Variants in PRKCSH observed in about 807,000 individuals in gnomAD.
PRKCSH encodes the protein glucosidase 2 subunit beta.
PRKCSH carries 42 observed loss-of-function variants against 79.7 expected under a neutral mutation model. That is an observed-to-expected ratio of 0.53 (90% CI 0.41 to 0.68). The LOEUF is 0.68. PRKCSH is among the 30% of genes least tolerant of loss of function. The probability of loss-of-function intolerance (pLI) is 0.00; values close to 1 mark genes in which losing one functional copy is unlikely to be tolerated. For synonymous variants in PRKCSH, 325 were observed against 288.2 expected (o/e 1.13, Z -1.29); for missense variants, 686 against 709.0 (o/e 0.97, Z 0.37).
In PRKCSH at chr19:11,441,044, C is replaced by T; in HGVS notation, c.351-196C>T. On this transcript the variant is annotated intron_variant, in intron 5 of 17. Transcript: ENST00000677123. The stretch of plus-strand genomic sequence containing the variant: ...TCCCTTCCCTGACCCCAGGGGCTTA[C>T]AGAACCCACTGTTCCTCTTTCAAGG... The T allele has an allele frequency of 4.9e-6, 3 of 616,024 alleles. 1 individual carries two copies. The South Asian group carries it at 5.0e-5, about 10-fold the overall frequency. 38.2% of individuals were successfully genotyped at this position (616,024 alleles called of 1,614,324 possible). A position where few individuals can be genotyped will look rare whatever the true frequency, so the allele number is the denominator to read the frequency against.
rs1264215359 is a variant in PRKCSH, at chr19:11,448,317, ACC to A, written c.1196+27_1196+28del. On this transcript the variant is annotated intron_variant, in intron 13 of 17. Transcript: ENST00000677123. The surrounding 1 kb of genome is among the most constrained non-coding windows in gnomAD (Gnocchi z 4.4). ...GTAGCGGGGGCTGAGGAGCGGGGAC[ACC>A]TGTCCCACAGCGACTGCTCCTTGAC... is the stretch of plus-strand genomic sequence containing the variant. 6.4e-7 allele frequency: 1 copy of A among 1,564,366 alleles called. No individual in the cohort carries two copies. The highest frequency in any genetic ancestry group is 2.4e-5 in the East Asian group (1 of 42,410).
intron 7 of PRKCSH, among the ~76,000 whole-genome samples, chr19:11,443,733 C>G (rs137905359): frequency 0.011 from 1,662 of 152,146 alleles, 17 homozygotes; most frequent in Non-Finnish European, 0.018. Context: ...AGAGCTTTTT[C>G]TATCTGGGGT....
rs981577580 is a variant in PRKCSH, at chr19:11,445,270, A to G, written c.599-119A>G. On this transcript the variant is annotated intron_variant, in intron 7 of 17. Transcript: ENST00000677123. ...TTGTCTCCTCCACAGTCGTGTCCTC[A>G]GGGTCCAGCATGGGGCCAGGCATAT... is the stretch of plus-strand genomic sequence containing the variant. 4.5e-6 allele frequency: 4 copies of G among 886,012 alleles called. No homozygotes were observed. The South Asian group carries it at 5.4e-5, about 12-fold the overall frequency. 54.9% of individuals were successfully genotyped at this position (886,012 alleles called of 1,614,324 possible). A position where few individuals can be genotyped will look rare whatever the true frequency, so the allele number is the denominator to read the frequency against.
In PRKCSH at chr19:11,448,289, C is replaced by G; in HGVS notation, c.1194C>G (p.Ile398Met). 1 of 1,572,860 alleles carries G rather than the reference C, an allele frequency of 6.4e-7. No homozygotes were observed. The highest frequency in any genetic ancestry group is 1.2e-5 in the South Asian group (1 of 85,826). ...ERSLKDMEES[I>M]RNLEQEISFD... Reference sequence around the variant, plus strand: ...CGCTGAAGGACATGGAGGAGTCCATCAGGTAGCGGGGGCTGAGGAGCGGGG... The same window carrying G: ...CGCTGAAGGACATGGAGGAGTCCATGAGGTAGCGGGGGCTGAGGAGCGGGG... The change falls in exon 13 of 18, where the codon ATC becomes ATG. Residue 398 changes from isoleucine to methionine, a missense_variant and splice_region_variant. Transcript: ENST00000677123. This position sits in a 1 kb window ranked among gnomAD's most constrained non-coding sequence, Gnocchi z 4.4.
chr19:11,448,049 GGCA>G lies in PRKCSH; in HGVS notation c.1127-169_1127-167del. ...CACTCGCTCAGGAGCTGGGAGCCTG[GGCA>G]GCAAGTCGGGGCTGCTCTATAGCTG... On this transcript the variant is annotated intron_variant, in intron 12 of 17. Coordinates refer to ENST00000677123, the MANE Select transcript of PRKCSH (RefSeq NM_001289104.2). The surrounding 1 kb of genome is among the most constrained non-coding windows in gnomAD (Gnocchi z 4.4). 1 of 793,328 alleles carries G rather than the reference GGCA, an allele frequency of 1.3e-6. No individual in the cohort carries two copies. The highest frequency in any genetic ancestry group is 2.1e-6 in the Non-Finnish European group (1 of 484,510). 49.1% of individuals were successfully genotyped at this position (793,328 alleles called of 1,614,324 possible).
Position 11,447,879 on chromosome 19 carries a change from C to G in PRKCSH, c.1126+90C>G. 2 of 1,382,674 alleles carry G rather than the reference C, an allele frequency of 1.4e-6. No individual in the cohort carries two copies. Among genetic ancestry groups the G allele is most frequent in the East Asian group, 2.5e-5 (1 of 39,822 alleles). The allele number at this position is 1,382,674 out of a possible 1,614,324, so 85.7% of individuals were successfully genotyped here. Reference sequence around the variant, plus strand: ...TCGAGGGAAGATCCTGAGCTTAGACCCTGCTCTGACTCGGCCAGCACAAGC... The same window carrying G: ...TCGAGGGAAGATCCTGAGCTTAGACGCTGCTCTGACTCGGCCAGCACAAGC... On this transcript the variant is annotated intron_variant, in intron 12 of 17. Transcript: ENST00000677123. This position sits in a 1 kb window ranked among gnomAD's most constrained non-coding sequence, Gnocchi z 5.6.
intron 5 of PRKCSH, 86 bp downstream of exon 5, chr19:11,438,210 T>C: frequency 7.0e-7 from 1 of 1,428,068 alleles, no homozygotes; most frequent in Non-Finnish European, 9.8e-7. Context: ...CTCTCTCTTC[T>C]GCTTTTCTGT....
chr19:11,442,898 T>G (rs1457083432), intron 7 of PRKCSH, among the ~76,000 whole-genome samples: 1 of 151,974 alleles, frequency 6.6e-6, no homozygotes, highest in Non-Finnish European at 1.5e-5. Flanking sequence ...GAGACGGGGT[T>G]TCACAATGTT....
chr19:11,439,414 T>TAA (rs149089405), intron 5 of PRKCSH, among the ~76,000 whole-genome samples: 5 of 140,832 alleles, frequency 3.6e-5, no homozygotes, highest in Admixed American at 7.0e-5. Context: ...CTATAAAAAG[T>TAA]AAAAAAAAAA....
Position 11,446,336 on chromosome 19 carries a change from G to C in PRKCSH, c.748G>C (p.Glu250Gln). The C allele has an allele frequency of 6.2e-7, 1 of 1,613,614 alleles. No individual in the cohort carries two copies. Among genetic ancestry groups the C allele is most frequent in the South Asian group, 1.1e-5 (1 of 91,014 alleles). Residue 250 changes from glutamate to glutamine, a missense_variant, in exon 9 of 18, where the codon GAA becomes CAA. Coordinates refer to ENST00000677123, the MANE Select transcript of PRKCSH (RefSeq NM_001289104.2). ...CACAGATGGGGATGGGGCGTTGTCAGAAGCGGAAGCTCAGGTACCCCCGGC... is the reference window on the plus strand; with the variant it reads ...CACAGATGGGGATGGGGCGTTGTCACAAGCGGAAGCTCAGGTACCCCCGGC... ...LDTDGDGALS[E>Q]AEAQALLSGD... is the part of the protein sequence containing the mutation.
chr19:11,448,203 C>T lies in PRKCSH; in HGVS notation c.1127-19C>T, dbSNP rs563345367. On this transcript the variant is annotated intron_variant, in intron 12 of 17. Coordinates refer to ENST00000677123, the MANE Select transcript of PRKCSH (RefSeq NM_001289104.2). This position sits in a 1 kb window ranked among gnomAD's most constrained non-coding sequence, Gnocchi z 4.4. ...TGGATGGGGTTGAGGACATCTCTGA[C>T]CTCCAACCCCTCTCCCAGCTGCCCA... The T allele has an allele frequency of 5.5e-5, 85 of 1,553,218 alleles. No individual in the cohort carries two copies. The South Asian group carries it at 7.4e-4, about 13-fold the overall frequency.
chr19:11,443,519 C>T (rs964185861), intron 7 of PRKCSH, among the ~76,000 whole-genome samples: 1 of 150,050 alleles, frequency 6.7e-6, no homozygotes, highest in African/African-American at 2.5e-5. Context: ...ATATTCCAGC[C>T]TGGCAACAGA....
chr19:11,436,689 C>G, intron 3 of PRKCSH, 184 bp downstream of exon 3: 1 of 604,510 alleles, frequency 1.7e-6, no homozygotes, highest in Non-Finnish European at 3.0e-6. Context: ...GTCCTCCTCC[C>G]AAGCCTCGGG....
chr19:11,439,605 CTTTTTTTTTT>C (rs758607686), intron 5 of PRKCSH, among the ~76,000 whole-genome samples: 25 of 68,850 alleles, frequency 3.6e-4, no homozygotes, highest in Admixed American at 1.2e-3. Flanking sequence ...TTTTTCTTTT[CTTTTTTTTTT>C]TTTTTTTTTT....
chr19:11,442,676 T>G (rs1970117482), intron 7 of PRKCSH, among the ~76,000 whole-genome samples, 161 bp downstream of exon 7: 2 of 152,166 alleles, frequency 1.3e-5, no homozygotes, highest in Non-Finnish European at 2.9e-5. Context: ...GTGGCATATG[T>G]CAGGAGCCTC....
At position 11,447,666 on chromosome 19, in the gene PRKCSH, T is replaced by G. The variant is rs1970382368; in HGVS notation, c.1030-27T>G. The G allele has an allele frequency of 6.4e-7, 1 of 1,565,558 alleles. No homozygotes were observed. The highest frequency in any genetic ancestry group is 8.7e-7 in the Non-Finnish European group (1 of 1,154,800). On this transcript the variant is annotated intron_variant, in intron 11 of 17. Transcript: ENST00000677123. This position sits in a 1 kb window ranked among gnomAD's most constrained non-coding sequence, Gnocchi z 5.6. ...GAGACAGAGAGGGTGGGGGAAGGGCTACTCACTGACCCTGCCCCTGCCCCA... is the reference window on the plus strand; with the variant it reads ...GAGACAGAGAGGGTGGGGGAAGGGCGACTCACTGACCCTGCCCCTGCCCCA...
intron 7 of PRKCSH, among the ~76,000 whole-genome samples, 161 bp from the exon 8 acceptor site, chr19:11,445,228 G>C (rs566928097): frequency 5.7e-4 from 87 of 152,294 alleles, no homozygotes; most frequent in African/African-American, 2.0e-3. Flanking sequence ...GTTCTCCCCT[G>C]GTAAGGGCAG....
intron 6 of PRKCSH, among the ~76,000 whole-genome samples, chr19:11,441,732 G>C (rs1970071813): frequency 6.6e-6 from 1 of 152,194 alleles, no homozygotes; most frequent in South Asian, 2.1e-4. Flanking sequence ...GATAACGTCA[G>C]CCAGTAGCAG....
intron 5 of PRKCSH, 179 bp from the exon 6 acceptor site, chr19:11,441,061 C>T: frequency 1.4e-6 from 1 of 690,090 alleles, no homozygotes; most frequent in East Asian, 2.8e-5. Context: ...CACTGTTCCT[C>T]TTTCAAGGAC....
Sources: allele counts gnomAD v4.1 joint callset (sites outside exome capture counted in the v4.1 genomes callset), GRCh38; gene constraint gnomAD v4.1.1; non-coding constraint Gnocchi (gnomAD v3.1); transcripts MANE v1.5; gene names NCBI Gene and HGNC (gene_info 2026-07-23, HGNC 2026-07-21).